Variants in GFOD2 observed in about 807,000 individuals in gnomAD.
The protein encoded by GFOD2 is Gfo/Idh/MocA-like oxidoreductase domain containing 2.
In GFOD2, 9 loss-of-function variants were observed where a neutral mutation model predicts 24.6. The ratio of observed to expected loss-of-function variants is 0.37; its 90% confidence interval spans 0.22 to 0.64. The LOEUF (loss-of-function observed/expected upper bound fraction) is 0.64. Among genes scored for constraint, GFOD2 ranks in the 30% least tolerant of loss-of-function variants. The probability of loss-of-function intolerance (pLI) is 0.65; values close to 1 mark genes in which losing one functional copy is unlikely to be tolerated. For synonymous variants in GFOD2, 211 were observed against 224.8 expected, an observed-to-expected ratio of 0.94 and a Z score of 0.55; for missense variants, 476 against 532.5, an observed-to-expected ratio of 0.89 and a Z score of 1.04.
chr16:67,687,770 G>C (rs2053279496), intron 1 of GFOD2, among the ~76,000 whole-genome samples: 1 of 139,116 alleles, frequency 7.2e-6, no homozygotes, highest in Admixed American at 7.7e-5. Context: ...AACAATTCAA[G>C]ATCAGCACAA....
chr16:67,708,358 G>A lies in GFOD2; in HGVS notation c.-88+10805C>T, dbSNP rs138447615. Among the ~76,000 whole-genome samples, 13 of 152,296 alleles carry A rather than the reference G, an allele frequency of 8.5e-5. No homozygotes were observed. In the East Asian group the frequency reaches 2.3e-3, roughly 27 times the overall value. On this transcript the variant is annotated intron_variant, in intron 1 of 2. Transcript: ENST00000268797. Reference sequence around the variant, plus strand: ...GTACAGGCTGGGGCCAAGAGAATAAGTTTTCTGAGAAAGAAACTTCAAGCT... The same window carrying A: ...GTACAGGCTGGGGCCAAGAGAATAAATTTTCTGAGAAAGAAACTTCAAGCT...
chr16:67,693,954 A>C (rs1403095623), intron 1 of GFOD2, among the ~76,000 whole-genome samples: 9 of 151,944 alleles, frequency 5.9e-5, no homozygotes, highest in Non-Finnish European at 1.2e-4. Context: ...AACAAACAAA[A>C]AAACCAACCC....
chr16:67,682,917 G>T, intron 2 of GFOD2: 1 of 741,872 alleles, frequency 1.3e-6, no homozygotes, highest in Non-Finnish European at 1.6e-6. Context: ...ACAGATAGCT[G>T]GATCCCAGAG....
rs753300498 is a variant in GFOD2 at position 67,675,226 on chromosome 16, C to T, written c.1087G>A (p.Val363Met). Residue 363 changes from valine (V) to methionine (M), a missense_variant, in exon 3 of 3, where the codon GTG (valine) becomes ATG (methionine). By Grantham distance (21) the Val-to-Met change is conservative. Transcript: ENST00000268797. Reference sequence around the variant, plus strand: ...TCGGGCTCCTCCGTCAGCACCTCCACAGCCTCCCACTCCCCGGATCGGCTC... The same window carrying T: ...TCGGGCTCCTCCGTCAGCACCTCCATAGCCTCCCACTCCCCGGATCGGCTC... Reference protein sequence around the residue: ...RSSRSGEWEAVEVLTEEPDTN... With the variant: ...RSSRSGEWEAMEVLTEEPDTN... 8.7e-6 allele frequency: 14 copies of T among 1,613,772 alleles called. No homozygotes were observed. Among genetic ancestry groups the T allele is most frequent in the Admixed American group, 3.3e-5 (2 of 60,012 alleles).
chr16:67,683,861 G>A, intron 2 of GFOD2: 2 of 1,198,488 alleles, frequency 1.7e-6, no homozygotes, highest in Non-Finnish European at 2.1e-6. Flanking sequence ...GAGACACTTG[G>A]CTCCTATTAC....
chr16:67,715,555 A>C (rs1271998554), intron 1 of GFOD2, among the ~76,000 whole-genome samples: 1 of 152,142 alleles, frequency 6.6e-6, no homozygotes. Flanking sequence ...CATGAACCCA[A>C]GCTTTTCAAG....
chr16:67,702,528 C>T (rs2053409637), intron 1 of GFOD2, among the ~76,000 whole-genome samples: 1 of 151,654 alleles, frequency 6.6e-6, no homozygotes, highest in Non-Finnish European at 1.5e-5. Flanking sequence ...TGACCCCTGC[C>T]CTACGCTCTG....
At chr16:67,708,556 G>T (rs914423711) in intron 1 of GFOD2, among the ~76,000 whole-genome samples, 1 of 152,192 alleles carries the variant, frequency 6.6e-6, no homozygotes, top group Admixed American at 6.5e-5. Context: ...GGGTTCTCCC[G>T]TATCATTTCT....
chr16:67,688,336 G>A (rs1247103134), intron 1 of GFOD2, among the ~76,000 whole-genome samples: 1 of 152,146 alleles, frequency 6.6e-6, no homozygotes, highest in African/African-American at 2.4e-5. Flanking sequence ...TGATTGCTGA[G>A]GTTGATGGGA....
intron 1 of GFOD2, among the ~76,000 whole-genome samples, chr16:67,691,516 C>G (rs956358419): frequency 1.4e-5 from 2 of 147,834 alleles, no homozygotes; most frequent in Admixed American, 6.7e-5. Flanking sequence ...AGACCCCCCC[C>G]CAAAAAAAAA....
rs561204882 is a variant in GFOD2, at chr16:67,702,592, ATTTTTTT to A, written c.-88+16564_-88+16570del. Among the ~76,000 whole-genome samples the A allele has an allele frequency of 5.3e-3, 551 of 104,702 alleles. 6 individuals carry two copies. The highest frequency in any genetic ancestry group is 0.018 in the African/African-American group (509 of 28,898). 68.7% of individuals were successfully genotyped at this position (104,702 alleles called of 152,430 possible). ...CAGTATTGTCATGAAGGTAGCCAGGATTTTTTTTTTTTTTTTTTTTTTTTTGAGATGG... is the reference window on the plus strand; with the variant it reads ...CAGTATTGTCATGAAGGTAGCCAGGATTTTTTTTTTTTTTTTTTGAGATGG... On this transcript the variant is annotated intron_variant, in intron 1 of 2. Coordinates refer to ENST00000268797, the MANE Select transcript of GFOD2 (RefSeq NM_030819.4).
chr16:67,692,141 C>T (rs1298350731), intron 1 of GFOD2, among the ~76,000 whole-genome samples: 1 of 148,044 alleles, frequency 6.8e-6, no homozygotes, highest in East Asian at 2.0e-4. Flanking sequence ...CAGAAGTGGG[C>T]AGGTAAAGTG....
chr16:67,702,725 G>A (rs968447251), intron 1 of GFOD2, among the ~76,000 whole-genome samples: 4 of 148,810 alleles, frequency 2.7e-5, no homozygotes, highest in African/African-American at 9.9e-5. Context: ...TCAACCTCCC[G>A]AGTAGCTGGG....
chr16:67,713,472 C>T (rs182899067), intron 1 of GFOD2, among the ~76,000 whole-genome samples: 2 of 152,266 alleles, frequency 1.3e-5, no homozygotes, highest in Admixed American at 6.5e-5. Flanking sequence ...TTCCCCTTCC[C>T]GACTTCCAAT....
At chr16:67,696,305 G>A (rs569479810) in intron 1 of GFOD2, among the ~76,000 whole-genome samples, 2 of 149,960 alleles carry the variant, frequency 1.3e-5, no homozygotes, top group East Asian at 3.9e-4. Context: ...GAGCCACCGC[G>A]CCCGGCCGGG....
At chr16:67,678,857 A>G (rs963202265) in intron 2 of GFOD2, among the ~76,000 whole-genome samples, 1 of 152,062 alleles carries the variant, frequency 6.6e-6, no homozygotes, top group African/African-American at 2.4e-5. Context: ...AGAGAAAAAA[A>G]GCCCATTGTG....
chr16:67,717,777 T>A lies in GFOD2; in HGVS notation c.-88+1386A>T, dbSNP rs562477756. On this transcript the variant is annotated intron_variant, in intron 1 of 2. Transcript: ENST00000268797. Reference sequence around the variant, plus strand: ...CTGCACTCCAGTCTGGGTGACAGAGTGAGACTCCGTCTCGATAGATAGATA... The same window carrying A: ...CTGCACTCCAGTCTGGGTGACAGAGAGAGACTCCGTCTCGATAGATAGATA... Among the ~76,000 whole-genome samples the A allele has an allele frequency of 8.6e-5, 13 of 150,614 alleles. No homozygotes were observed. In the East Asian group the frequency reaches 1.2e-3, roughly 13 times the overall value.
At chr16:67,715,974 C>T (rs2053503623) in intron 1 of GFOD2, among the ~76,000 whole-genome samples, 1 of 152,184 alleles carries the variant, frequency 6.6e-6, no homozygotes, top group South Asian at 2.1e-4. Flanking sequence ...CGCCACTGTA[C>T]TCCAGGCTTG....
intron 1 of GFOD2, among the ~76,000 whole-genome samples, chr16:67,691,583 G>C (rs1370330180): frequency 2.0e-5 from 3 of 149,750 alleles, no homozygotes; most frequent in African/African-American, 7.5e-5. Flanking sequence ...CTTTCTTTGA[G>C]ATGACCAACT....
Sources: gnomAD v4.1 joint callset for allele counts (sites outside exome capture counted in the v4.1 genomes callset) on GRCh38, gnomAD v4.1.1 for gene constraint, MANE v1.5 for transcripts, NCBI Gene and HGNC (gene_info 2026-07-23, HGNC 2026-07-21) for gene names.